Variants in GAREM1 observed in about 807,000 individuals in gnomAD.
GAREM1 encodes GRB2-associated and regulator of MAPK protein 1.
Under a neutral mutation model 71.3 loss-of-function variants are expected in GAREM1, and 26 were observed. The ratio of observed to expected loss-of-function variants is 0.36; its 90% CI spans 0.27 to 0.51. GAREM1 has a LOEUF of 0.51. Ranked by LOEUF, GAREM1 falls within the 20% of genes least tolerant of loss-of-function variation. The pLI is 0.95. For missense variants in GAREM1, 1,026 were observed against 1,103.1 expected (o/e 0.93, Z 0.99); for synonymous variants, 440 against 433.2 (o/e 1.02, Z -0.20).
intron 2 of GAREM1, among the ~76,000 whole-genome samples, chr18:32,371,604 G>A (rs1166519357): frequency 6.6e-6 from 1 of 152,146 alleles, no homozygotes; most frequent in African/African-American, 2.4e-5. Flanking sequence ...GATACAGGAA[G>A]AAGAGTGGGA....
rs1018021878 is a variant in GAREM1, at chr18:32,267,810, C to G, written c.*61G>C. 3 of 1,368,252 alleles carry G rather than the reference C, an allele frequency of 2.2e-6. No homozygotes were observed. The highest frequency in any genetic ancestry group is 2.9e-5 in the African/African-American group (2 of 69,134). 84.8% of individuals were successfully genotyped at this position (1,368,252 alleles called of 1,614,324 possible). A position where few individuals can be genotyped will look rare whatever the true frequency, so the allele number is the denominator to read the frequency against. On this transcript the variant is annotated 3_prime_UTR_variant, in exon 6 of 6. Transcript: ENST00000269209. ...GCAAAAACATGAAATTGTGTCCCAGCCCACCCCTTCTAGCACACGCATTGA... is the reference window on the plus strand; with the variant it reads ...GCAAAAACATGAAATTGTGTCCCAGGCCACCCCTTCTAGCACACGCATTGA...
intron 2 of GAREM1, among the ~76,000 whole-genome samples, chr18:32,358,417 C>T (rs2047827208): frequency 1.3e-5 from 2 of 152,048 alleles, no homozygotes; most frequent in Non-Finnish European, 1.5e-5. Context: ...TCTCCTCACA[C>T]CTCAGGGCCA....
chr18:32,332,185 G>A (rs1266058061), intron 2 of GAREM1, among the ~76,000 whole-genome samples: 2 of 151,906 alleles, frequency 1.3e-5, no homozygotes, highest in Non-Finnish European at 2.9e-5. Flanking sequence ...GCTCAGAGGA[G>A]TGAGAAATAC....
chr18:32,344,160 C>T (rs1341412165), intron 2 of GAREM1, among the ~76,000 whole-genome samples: 1 of 152,118 alleles, frequency 6.6e-6, no homozygotes, highest in Non-Finnish European at 1.5e-5. Context: ...TGCCTTCCTC[C>T]CCGCCTCCTC....
intron 1 of GAREM1, among the ~76,000 whole-genome samples, chr18:32,403,394 CCCAACCTACACAA>C (rs2048335178): frequency 6.6e-6 from 1 of 152,150 alleles, no homozygotes; most frequent in South Asian, 2.1e-4. Context: ...CCCTCCCGCT[CCCAACCTACACAA>C]AACCCAAAGG....
At chr18:32,417,127 C>T (rs2144691666) in intron 1 of GAREM1, among the ~76,000 whole-genome samples, 1 of 152,282 alleles carries the variant, frequency 6.6e-6, no homozygotes, top group South Asian at 2.1e-4. Context: ...AAGTGCTCAA[C>T]ATCACTGATC....
At chr18:32,424,579 CA>C (rs2048555495) in intron 1 of GAREM1, among the ~76,000 whole-genome samples, 1 of 151,776 alleles carries the variant, frequency 6.6e-6, no homozygotes, top group African/African-American at 2.4e-5. Context: ...GGCAAAAAAC[CA>C]AACAACAAAA....
chr18:32,469,460 C>T (rs1242399930), intron 1 of GAREM1, among the ~76,000 whole-genome samples: 2 of 152,148 alleles, frequency 1.3e-5, no homozygotes, highest in Admixed American at 6.5e-5. Context: ...CAAGAGAAGA[C>T]CAAACACACC....
intron 2 of GAREM1, among the ~76,000 whole-genome samples, chr18:32,316,758 T>C (rs922478144): frequency 2.6e-5 from 4 of 152,218 alleles, no homozygotes; most frequent in African/African-American, 9.6e-5. Context: ...CTACTTTGCA[T>C]TTCTTGCGCC....
chr18:32,281,933 C>T (rs189471179), intron 4 of GAREM1, among the ~76,000 whole-genome samples: 88 of 152,258 alleles, frequency 5.8e-4, no homozygotes, highest in African/African-American at 1.9e-3. Flanking sequence ...TGTAAATGGC[C>T]GGTCCTTGCC....
At chr18:32,366,339 G>A (rs1177911316) in intron 2 of GAREM1, among the ~76,000 whole-genome samples, 2 of 152,096 alleles carry the variant, frequency 1.3e-5, no homozygotes, top group African/African-American at 2.4e-5. Flanking sequence ...TTTCAGGCAG[G>A]CTTATGATTT....
chr18:32,314,487 C>T (rs75398476), intron 2 of GAREM1, among the ~76,000 whole-genome samples: 5,210 of 152,176 alleles, frequency 0.034, 285 homozygotes, highest in African/African-American at 0.12. Context: ...AATGATATGA[C>T]GCATCCAAAG....
intron 2 of GAREM1, among the ~76,000 whole-genome samples, chr18:32,379,684 G>C (rs2144639299): frequency 6.6e-6 from 1 of 151,584 alleles, no homozygotes; most frequent in East Asian, 1.9e-4. Flanking sequence ...CAGCCTGGGT[G>C]ACAGAACGAG....
chr18:32,287,157 C>T lies in GAREM1; in HGVS notation c.1440G>A (p.Gln480=), dbSNP rs1171184365. ...ATTTGGATCGGACAGAACCTCTAAACTGATCACATCTGTTCTTCTCGCTCA... is the reference window on the plus strand; with the variant it reads ...ATTTGGATCGGACAGAACCTCTAAATTGATCACATCTGTTCTTCTCGCTCA... ...RSLSEKNRCD[Q]FRGSVRSKCA... Residue 480 remains glutamine, a synonymous_variant, in exon 4 of 6, where the codon CAG becomes CAA. Coordinates refer to ENST00000269209, the MANE Select transcript of GAREM1 (RefSeq NM_001242409.2). This position sits in a 1 kb window ranked among gnomAD's most constrained non-coding sequence, Gnocchi z 5.9. The T allele has an allele frequency of 6.2e-7, 1 of 1,614,236 alleles. No homozygotes were observed. The highest frequency in any genetic ancestry group is 8.5e-7 in the Non-Finnish European group (1 of 1,180,044).
At chr18:32,359,229 C>G (rs184280763) in intron 2 of GAREM1, among the ~76,000 whole-genome samples, 2 of 152,304 alleles carry the variant, frequency 1.3e-5, no homozygotes, top group African/African-American at 4.8e-5. Flanking sequence ...CCCCATACCT[C>G]CCACCTGATT....
intron 1 of GAREM1, among the ~76,000 whole-genome samples, chr18:32,410,045 G>C (rs1405121245): frequency 6.6e-6 from 1 of 152,170 alleles, no homozygotes; most frequent in African/African-American, 2.4e-5. Flanking sequence ...TTTGGTTTGT[G>C]CAATGTGTGT....
intron 1 of GAREM1, among the ~76,000 whole-genome samples, chr18:32,402,357 A>T (rs1391879001): frequency 6.6e-6 from 1 of 152,152 alleles, no homozygotes; most frequent in Non-Finnish European, 1.5e-5. Context: ...TACCTCTAAA[A>T]ATAATTTTTA....
chr18:32,392,981 C>T lies in GAREM1; in HGVS notation c.176G>A (p.Arg59His), dbSNP rs143393429. 14 of 1,613,630 alleles carry T rather than the reference C, an allele frequency of 8.7e-6. 1 individual carries two copies. Among genetic ancestry groups the T allele is most frequent in the Admixed American group, 1.7e-5 (1 of 59,944 alleles). The stretch of plus-strand genomic sequence containing the variant: ...GTGGGCAGTGATGGTGGTCCACTGG[C>T]GGCAGGAATGAATCAGCAGATAGTC... ...ENDYLLIHSCRQWTTITAHSL... is the reference protein window; with the variant it reads ...ENDYLLIHSCHQWTTITAHSL... Residue 59 changes from arginine to histidine, a missense_variant, in exon 2 of 6, where the codon CGC becomes CAC. Physicochemically the swap from Arg to His is conservative, Grantham distance 29. Transcript: ENST00000269209.
intron 1 of GAREM1, among the ~76,000 whole-genome samples, chr18:32,445,881 C>T (rs748733880): frequency 3.3e-5 from 5 of 151,976 alleles, no homozygotes; most frequent in Non-Finnish European, 5.9e-5. Context: ...TAGGTTAAGG[C>T]AATAGCAGCA....
Sources: gnomAD v4.1 joint callset for allele counts (sites outside exome capture counted in the v4.1 genomes callset) on GRCh38, gnomAD v4.1.1 for gene constraint, Gnocchi (gnomAD v3.1) non-coding constraint, MANE v1.5 for transcripts, NCBI Gene and HGNC (gene_info 2026-07-23, HGNC 2026-07-21) for gene names.